The following KRT13 variants were observed in gnomAD, a reference collection of about 807,000 sequenced individuals.
KRT13 encodes keratin 13.
Under a neutral mutation model 40.6 loss-of-function variants are expected in KRT13, and 27 were observed. The ratio of observed to expected loss-of-function variants is 0.67; its 90% CI spans 0.49 to 0.92. The LOEUF (loss-of-function observed/expected upper bound fraction) is 0.92. KRT13 is among the 40% of genes least tolerant of loss of function. The probability of loss-of-function intolerance (pLI) is 0.00; values close to 1 mark genes in which losing one functional copy is unlikely to be tolerated. For missense variants in KRT13, 605 were observed against 611.5 expected, an observed-to-expected ratio of 0.99 and a Z score of 0.11; for synonymous variants, 266 against 240.3, an observed-to-expected ratio of 1.11 and a Z score of -0.99.
intron 3 of KRT13, 48 bp downstream of exon 3, chr17:41,503,239 T>A (rs1287124944): frequency 6.2e-7 from 1 of 1,610,594 alleles, no homozygotes; most frequent in Non-Finnish European, 8.5e-7. Flanking sequence ...GGCTCCTCCT[T>A]CTCACTGGAG....
chr17:41,503,262 A>G (rs1181682925), intron 3 of KRT13, 25 bp downstream of exon 3: 17 of 1,613,818 alleles, frequency 1.1e-5, no homozygotes, highest in South Asian at 2.2e-5. Context: ...TGTTGAGCCC[A>G]GGGCAGCCTG....
In KRT13 at chr17:41,502,577, G is replaced by T; in HGVS notation, c.1041C>A (p.Asn347Lys). Reference sequence around the variant, plus strand: ...AGCGGCACTCCGTCTCTGCCACCGTGTTCTCCAGCCCCGCTTTCTGGTGGA... The same window carrying T: ...AGCGGCACTCCGTCTCTGCCACCGTTTTCTCCAGCCCCGCTTTCTGGTGGA... The part of the protein sequence containing the change: ...SQLSMKAGLE[N>K]TVAETECRYA... Residue 347 changes from asparagine to lysine, a missense_variant, in exon 6 of 8, where the codon AAC (asparagine) becomes AAA (lysine). Physicochemically the swap from Asn to Lys is moderately conservative, Grantham distance 94. Transcript: ENST00000246635. 1 of 1,613,710 alleles carries T rather than the reference G, an allele frequency of 6.2e-7. No homozygotes were observed. Among genetic ancestry groups the T allele is most frequent in the Non-Finnish European group, 8.5e-7 (1 of 1,180,036 alleles).
At position 41,502,401 on chromosome 17, in the gene KRT13, C is replaced by A. The variant is rs145983286; in HGVS notation, c.1217G>T (p.Arg406Leu). Residue 406 changes from arginine (R) to leucine (L), a missense_variant, in exon 6 of 8, where the codon CGC becomes CTC. By Grantham distance (102) the Arg-to-Leu change is moderately radical. Coordinates refer to ENST00000246635, the MANE Select transcript of KRT13 (RefSeq NM_153490.3). ...TRLEQEIATY[R>L]SLLEGQDAKM... ...GGCGTCCTGGCCCTCGAGCAGGCTG[C>A]GGTAGGTGGCGATCTCCTGCTCCAG... 3.9e-4 allele frequency: 622 copies of A among 1,614,028 alleles called. No individual in the cohort carries two copies. Among genetic ancestry groups the A allele is most frequent in the Non-Finnish European group, 5.1e-4 (605 of 1,180,032 alleles).
At chr17:41,504,254 C>A (rs889935468) in intron 1 of KRT13, 1 of 173,758 alleles carries the variant, frequency 5.8e-6, no homozygotes, top group Non-Finnish European at 1.2e-5. Context: ...ATCTTTGGTT[C>A]GTCATGTCTT....
chr17:41,505,430 A>G lies in KRT13; in HGVS notation c.121T>C (p.Ser41Pro). The G allele has an allele frequency of 6.2e-7, 1 of 1,613,500 alleles. No individual in the cohort carries two copies. Residue 41 changes from serine (S) to proline (P), a missense_variant, in exon 1 of 8, where the codon TCA (serine) becomes CCA (proline). Physicochemically the swap from Ser to Pro is moderately conservative, Grantham distance 74. Coordinates refer to ENST00000246635, the MANE Select transcript of KRT13 (RefSeq NM_153490.3). ...TCSTRFVSGGSAGGYGGGVSC... is the reference protein window; with the variant it reads ...TCSTRFVSGGPAGGYGGGVSC... ...ACGCCGCCTCCATAGCCCCCAGCTG[A>G]TCCCCCGGACACAAACCGAGTTGAA...
At chr17:41,504,327 G>T (rs2144506885) in intron 1 of KRT13, 1 of 158,714 alleles carries the variant, frequency 6.3e-6, no homozygotes, top group African/African-American at 2.4e-5. Flanking sequence ...TGAAAGTCAG[G>T]AGGGACTCGG....
At chr17:41,501,430 CT>C (rs1904847220) in intron 7 of KRT13, 68 bp from the exon 8 acceptor site, 12 of 1,310,550 alleles carry the variant, frequency 9.2e-6, no homozygotes, top group Non-Finnish European at 8.6e-6. Context: ...CAGGGCCCCC[CT>C]GGAGGGCTCA....
intron 7 of KRT13, 26 bp downstream of exon 7, chr17:41,501,693 C>T: frequency 1.3e-6 from 2 of 1,571,470 alleles, no homozygotes; most frequent in East Asian, 2.3e-5. Context: ...TCTGCCTCCC[C>T]CTACACCACG....
Position 41,502,430 on chromosome 17 carries a change from T to C in KRT13, c.1188A>G (p.Thr396=), listed in dbSNP as rs1904884833. 6.2e-7 allele frequency: 1 copy of C among 1,614,180 alleles called. No individual in the cohort carries two copies. The highest frequency in any genetic ancestry group is 1.3e-5 in the African/African-American group (1 of 75,052). Residue 396 remains threonine (T), a synonymous_variant, in exon 6 of 8, where the codon ACA becomes ACG. Coordinates refer to ENST00000246635, the MANE Select transcript of KRT13 (RefSeq NM_153490.3). ...AGGTGGCGATCTCCTGCTCCAGACG[T>C]GTCTTGATGTCCAGCAGCATCTTGT... The part of the protein sequence containing the change: ...QEYKMLLDIK[T]RLEQEIATYR...
intron 2 of KRT13, 24 bp downstream of exon 2, chr17:41,503,619 G>C: frequency 6.2e-7 from 1 of 1,602,394 alleles, no homozygotes; most frequent in Non-Finnish European, 8.6e-7. Context: ...GGAAAGGAGA[G>C]GGAGGGGGAA....
At position 41,501,111 on chromosome 17, in the gene KRT13, C is replaced by G. The variant is rs1489702813; in HGVS notation, c.*145G>C. 1 of 638,540 alleles carries G rather than the reference C, an allele frequency of 1.6e-6. No homozygotes were observed. Among genetic ancestry groups the G allele is most frequent in the Admixed American group, 2.2e-5 (1 of 45,026 alleles). The allele number at this position is 638,540 out of a possible 1,614,324, so 39.6% of individuals were successfully genotyped here. On this transcript the variant is annotated 3_prime_UTR_variant, in exon 8 of 8. Coordinates refer to ENST00000246635, the MANE Select transcript of KRT13 (RefSeq NM_153490.3). Reference sequence around the variant, plus strand: ...GGAAGAGAAGAGCACAGAGGGCCCACCATCAGGAGAGAGTCAGGACAGGGG... The same window carrying G: ...GGAAGAGAAGAGCACAGAGGGCCCAGCATCAGGAGAGAGTCAGGACAGGGG...
At chr17:41,503,484 G>A in intron 2 of KRT13, 41 bp from the exon 3 acceptor site, 1 of 1,608,076 alleles carries the variant, frequency 6.2e-7, no homozygotes, top group African/African-American at 1.3e-5. Context: ...GAAAAAGCAA[G>A]ACATAAATGA....
chr17:41,505,237 T>C lies in KRT13; in HGVS notation c.314A>G (p.Lys105Arg). Residue 105 changes from lysine to arginine, a missense_variant, in exon 1 of 8, where the codon AAG (lysine) becomes AGG (arginine). Coordinates refer to ENST00000246635, the MANE Select transcript of KRT13 (RefSeq NM_153490.3). Reference protein sequence around the residue: ...CDGGLLTGNEKITMQNLNDRL... With the variant: ...CDGGLLTGNERITMQNLNDRL... Reference sequence around the variant, plus strand: ...GTCGTTGAGGTTCTGCATGGTGATCTTCTCATTGCCAGTGAGGAGGCCGCC... The same window carrying C: ...GTCGTTGAGGTTCTGCATGGTGATCCTCTCATTGCCAGTGAGGAGGCCGCC... The C allele has an allele frequency of 6.2e-7, 1 of 1,614,160 alleles. No homozygotes were observed. The highest frequency in any genetic ancestry group is 8.5e-7 in the Non-Finnish European group (1 of 1,180,026).
intron 7 of KRT13, 72 bp from the exon 8 acceptor site, chr17:41,501,434 A>C: frequency 2.3e-6 from 3 of 1,278,760 alleles, no homozygotes; most frequent in Non-Finnish European, 3.3e-6. Context: ...GCCCCCCTGG[A>C]GGGCTCACAA....
In KRT13 at chr17:41,503,278, C is replaced by A; in HGVS notation, c.735+9G>T. 2 of 1,614,034 alleles carry A rather than the reference C, an allele frequency of 1.2e-6. No individual in the cohort carries two copies. On this transcript the variant is annotated intron_variant, in intron 3 of 7. Coordinates refer to ENST00000246635, the MANE Select transcript of KRT13 (RefSeq NM_153490.3). ...GTTGAGCCCAGGGCAGCCTGCAATT[C>A]CCGCTCACCTCTTCATGGTTCTTCT... is the stretch of plus-strand genomic sequence containing the variant.
Position 41,502,967 on chromosome 17 carries a change from G to A in KRT13, c.867C>T (p.Arg289=), listed in dbSNP as rs1341894054. The stretch of plus-strand genomic sequence containing the variant: ...TGTGGAACCATTCCTCAGCATCCCG[G>A]CGGTTCCTCTCTGCCATGGCCTCGT... The part of the protein sequence containing the change: ...EQYEAMAERN[R]RDAEEWFHTK... The change falls in exon 4 of 8, where the codon CGC becomes CGT. Residue 289 remains arginine (R), a synonymous_variant. Transcript: ENST00000246635. 1 of 1,614,202 alleles carries A rather than the reference G, an allele frequency of 6.2e-7. No individual in the cohort carries two copies. Among genetic ancestry groups the A allele is most frequent in the Non-Finnish European group, 8.5e-7 (1 of 1,180,038 alleles).
In KRT13 at chr17:41,501,146, G is replaced by A. The variant is rs1904832362; in HGVS notation, c.*110C>T. 4 of 756,552 alleles carry A rather than the reference G, an allele frequency of 5.3e-6. No homozygotes were observed. Among genetic ancestry groups the A allele is most frequent in the African/African-American group, 1.7e-5 (1 of 57,536 alleles). The allele number at this position is 756,552 out of a possible 1,614,324, so 46.9% of individuals were successfully genotyped here. A position where few individuals can be genotyped will look rare whatever the true frequency, so the allele number is the denominator to read the frequency against. On this transcript the variant is annotated 3_prime_UTR_variant, in exon 8 of 8. Transcript: ENST00000246635. ...AGAGTCAGGACAGGGGGTCCTGAGA[G>A]CAGAGGGACTGAGCCTTGGGTCCAG... is the stretch of plus-strand genomic sequence containing the variant.
intron 1 of KRT13, 123 bp downstream of exon 1, chr17:41,504,933 G>A: frequency 8.7e-7 from 1 of 1,153,886 alleles, no homozygotes; most frequent in Non-Finnish European, 1.2e-6. Flanking sequence ...TCAAACAGTA[G>A]GCTTTTCCCC....
chr17:41,503,104 G>C lies in KRT13; in HGVS notation c.736-6C>G, dbSNP rs888256299. The C allele has an allele frequency of 6.2e-7, 1 of 1,614,152 alleles. No homozygotes were observed. Among genetic ancestry groups the C allele is most frequent in the East Asian group, 2.2e-5 (1 of 44,874 alleles). On this transcript the variant is annotated splice_polypyrimidine_tract_variant and splice_region_variant and intron_variant, in intron 3 of 7. Coordinates refer to ENST00000246635, the MANE Select transcript of KRT13 (RefSeq NM_153490.3). Reference sequence around the variant, plus strand: ...TTGCTAAATTCCTTCATCTCCTGTGGGGATGGGAAAGGAAGATGTGTGAGG... The same window carrying C: ...TTGCTAAATTCCTTCATCTCCTGTGCGGATGGGAAAGGAAGATGTGTGAGG...
Sources: gnomAD v4.1 joint callset for allele counts on GRCh38, gnomAD v4.1.1 for gene constraint, MANE v1.5 for transcripts, NCBI Gene and HGNC (gene_info 2026-07-23, HGNC 2026-07-21) for gene names.